The following SF3B6 variants were observed in gnomAD, a reference collection of about 807,000 sequenced individuals.
SF3B6 encodes SF3b 14 kDa subunit.
Under a neutral mutation model 15.9 loss-of-function variants are expected in SF3B6, and 3 were observed. The ratio of observed to expected loss-of-function variants is 0.19; its 90% CI spans 0.09 to 0.49. SF3B6 has a LOEUF of 0.49. SF3B6 is among the 20% of genes least tolerant of loss of function. The probability of loss-of-function intolerance (pLI) is 0.97; values close to 1 mark genes in which losing one functional copy is unlikely to be tolerated. For synonymous variants in SF3B6, 49 were observed against 51.1 expected (o/e 0.96, Z 0.18); for missense variants, 71 against 154.3 (o/e 0.46, Z 2.86).
At chr2:24,069,195 G>A (rs1453387239) in intron 2 of SF3B6, among the ~76,000 whole-genome samples, 1 of 152,238 alleles carries the variant, frequency 6.6e-6, no homozygotes, top group Non-Finnish European at 1.5e-5. Flanking sequence ...ATACAGCTGT[G>A]TGGCTAGGGA....
chr2:24,068,538 A>G (rs1664600467), intron 2 of SF3B6, 79 bp from the exon 3 acceptor site: 4 of 1,278,964 alleles, frequency 3.1e-6, no homozygotes, highest in Non-Finnish European at 4.3e-6. Flanking sequence ...TGTCTTTTAA[A>G]CTGGTAACTG....
At chr2:24,075,127 T>TC (rs1351513299) in intron 1 of SF3B6, among the ~76,000 whole-genome samples, 1 of 151,188 alleles carries the variant, frequency 6.6e-6, no homozygotes, top group Non-Finnish European at 1.5e-5. Flanking sequence ...AGAGTCCATC[T>TC]CAAAAAAAAA....
Position 24,067,844 on chromosome 2 carries a change from T to G in SF3B6, c.296A>C (p.Gln99Pro). Residue 99 changes from glutamine (Q) to proline (P), a missense_variant, in exon 4 of 4, where the codon CAG (glutamine) becomes CCG (proline). Transcript: ENST00000233468. ...VLYYNANRAF[Q>P]KMDTKKKEEQ... ...CTCCTTCTTCTTTGTGTCCATCTTCTGAAATGCCTGGAAATGTGGTAAGCA... is the reference window on the plus strand; with the variant it reads ...CTCCTTCTTCTTTGTGTCCATCTTCGGAAATGCCTGGAAATGTGGTAAGCA... 6.2e-7 allele frequency: 1 copy of G among 1,613,946 alleles called. No individual in the cohort carries two copies. Among genetic ancestry groups the G allele is most frequent in the Non-Finnish European group, 8.5e-7 (1 of 1,179,930 alleles).
chr2:24,071,657 A>G (rs142978959), intron 2 of SF3B6, among the ~76,000 whole-genome samples: 36 of 152,338 alleles, frequency 2.4e-4, no homozygotes, highest in Non-Finnish European at 4.4e-4. Context: ...AGATAGGGAA[A>G]CAGGGAGCTA....
Position 24,076,258 on chromosome 2 carries a change from A to C in SF3B6, c.-29T>G. ...GGCGGGCTGATGAAGTTACCGTAGC[A>C]GATACTGAAATTCCTCCGGAGCTCG... On this transcript the variant is annotated 5_prime_UTR_variant, in exon 1 of 4. Transcript: ENST00000233468. The C allele has an allele frequency of 6.2e-7, 1 of 1,614,208 alleles. No individual in the cohort carries two copies. Among genetic ancestry groups the C allele is most frequent in the Non-Finnish European group, 8.5e-7 (1 of 1,180,016 alleles).
At chr2:24,070,170 G>A (rs545508680) in intron 2 of SF3B6, among the ~76,000 whole-genome samples, 9 of 152,288 alleles carry the variant, frequency 5.9e-5, no homozygotes, top group Admixed American at 2.6e-4. Flanking sequence ...CACACCTTGA[G>A]AGCCATATTA....
At chr2:24,069,458 AGTGGAGACAATGG>A (rs1460425030) in intron 2 of SF3B6, among the ~76,000 whole-genome samples, 2 of 152,182 alleles carry the variant, frequency 1.3e-5, no homozygotes, top group East Asian at 1.9e-4. Flanking sequence ...TGTGACTGTT[AGTGGAGACAATGG>A]GTAGAGGTCC....
intron 2 of SF3B6, among the ~76,000 whole-genome samples, chr2:24,072,466 G>C (rs1664672080): frequency 6.6e-6 from 1 of 152,206 alleles, no homozygotes; most frequent in African/African-American, 2.4e-5. Flanking sequence ...TAACCTAGGA[G>C]AGACACATGG....
rs1241245176 is a variant in SF3B6, at chr2:24,067,628, T to C, written c.*134A>G. On this transcript the variant is annotated 3_prime_UTR_variant, in exon 4 of 4. Transcript: ENST00000233468. The stretch of plus-strand genomic sequence containing the variant: ...AGTTTATTAACATAATGTATTCCAA[T>C]ATGTATCAAAGTTTCAAGCAGGTCA... The C allele has an allele frequency of 1.5e-6, 1 of 675,966 alleles. No homozygotes were observed. The highest frequency in any genetic ancestry group is 2.5e-6 in the Non-Finnish European group (1 of 396,060). 41.9% of individuals were successfully genotyped at this position (675,966 alleles called of 1,614,324 possible).
chr2:24,074,746 CCTAT>C (rs1024536786), intron 1 of SF3B6, among the ~76,000 whole-genome samples: 13 of 152,212 alleles, frequency 8.5e-5, no homozygotes, highest in Non-Finnish European at 1.8e-4. Flanking sequence ...CTAAACTCAA[CCTAT>C]CTTTCTTCCA....
At chr2:24,068,153 C>T (rs1408295442) in intron 3 of SF3B6, among the ~76,000 whole-genome samples, 168 bp downstream of exon 3, 1 of 152,062 alleles carries the variant, frequency 6.6e-6, no homozygotes, top group East Asian at 1.9e-4. Context: ...TTAGTACAGA[C>T]GGGGTTTCAC....
At chr2:24,069,795 G>A (rs964909532) in intron 2 of SF3B6, among the ~76,000 whole-genome samples, 2 of 152,138 alleles carry the variant, frequency 1.3e-5, no homozygotes, top group Non-Finnish European at 2.9e-5. Flanking sequence ...AGGTTGTGTG[G>A]GCCTGACGAG....
chr2:24,073,037 C>G (rs1664681661), intron 2 of SF3B6, among the ~76,000 whole-genome samples: 1 of 152,204 alleles, frequency 6.6e-6, no homozygotes, highest in Non-Finnish European at 1.5e-5. Context: ...CTAAAAAGGA[C>G]AGCTGGTCTA....
At chr2:24,075,990 C>A (rs1264110780) in intron 1 of SF3B6, among the ~76,000 whole-genome samples, 1 of 152,014 alleles carries the variant, frequency 6.6e-6, no homozygotes, top group Non-Finnish European at 1.5e-5. Flanking sequence ...AGGGTAGAGA[C>A]TGAGGAACTC....
At chr2:24,071,988 C>A (rs1449693899) in intron 2 of SF3B6, among the ~76,000 whole-genome samples, 1 of 152,080 alleles carries the variant, frequency 6.6e-6, no homozygotes, top group Non-Finnish European at 1.5e-5. Flanking sequence ...CTTCTATTTT[C>A]TTTTCTTTTG....
At chr2:24,070,773 G>T (rs1664640675) in intron 2 of SF3B6, among the ~76,000 whole-genome samples, 1 of 152,124 alleles carries the variant, frequency 6.6e-6, no homozygotes, top group Non-Finnish European at 1.5e-5. Context: ...AATAAAGCAT[G>T]ATCACAGTAA....
At chr2:24,070,484 G>A (rs941980883) in intron 2 of SF3B6, among the ~76,000 whole-genome samples, 1 of 152,182 alleles carries the variant, frequency 6.6e-6, no homozygotes, top group Non-Finnish European at 1.5e-5. Flanking sequence ...TAGCCTCTGT[G>A]AGCTTCGGAT....
intron 3 of SF3B6, among the ~76,000 whole-genome samples, 178 bp downstream of exon 3, chr2:24,068,143 T>C (rs1664591402): frequency 6.6e-6 from 1 of 152,164 alleles, no homozygotes; most frequent in Admixed American, 6.5e-5. Context: ...TTTTGTATTT[T>C]TAGTACAGAC....
At chr2:24,072,253 C>T (rs974283717) in intron 2 of SF3B6, among the ~76,000 whole-genome samples, 14 of 152,036 alleles carry the variant, frequency 9.2e-5, no homozygotes, top group Admixed American at 7.9e-4. Flanking sequence ...CCCAAAGTGC[C>T]GGGATTACAG....
Sources: gnomAD v4.1 joint callset for allele counts (sites outside exome capture counted in the v4.1 genomes callset) on GRCh38, gnomAD v4.1.1 for gene constraint, MANE v1.5 for transcripts, NCBI Gene and HGNC (gene_info 2026-07-23, HGNC 2026-07-21) for gene names.